Variants in UST observed in about 807,000 individuals in gnomAD.
UST encodes the protein chondroitin sulfate 2-O-sulfotransferase.
In UST, 21 loss-of-function variants were observed where a neutral mutation model predicts 45.6. The observed-to-expected ratio is 0.46, with a 90% CI of 0.33 to 0.66. The LOEUF (loss-of-function observed/expected upper bound fraction) is 0.66. Ranked by LOEUF, UST falls within the 30% of genes least tolerant of loss-of-function variation. UST has a pLI of 0.02. For missense variants in UST, 463 were observed against 512.4 expected (o/e 0.90, Z 0.93); for synonymous variants, 215 against 200.6 (o/e 1.07, Z -0.61).
At chr6:148,887,437 G>A (rs1013173321) in intron 2 of UST, among the ~76,000 whole-genome samples, 5 of 152,360 alleles carry the variant, frequency 3.3e-5, no homozygotes, top group African/African-American at 1.2e-4. Flanking sequence ...ACTGGGTTGG[G>A]ATACTCCACT....
intron 1 of UST, among the ~76,000 whole-genome samples, chr6:148,871,541 G>A (rs1032658638): frequency 6.6e-6 from 1 of 152,152 alleles, no homozygotes; most frequent in Non-Finnish European, 1.5e-5. Flanking sequence ...ATGAGTTTGA[G>A]TTATTTACTG....
At chr6:149,056,635 A>G (rs1287124288) in intron 7 of UST, among the ~76,000 whole-genome samples, 4 of 152,212 alleles carry the variant, frequency 2.6e-5, no homozygotes, top group African/African-American at 9.7e-5. Context: ...TTTAGTGTGC[A>G]GTTGCAAATC....
At chr6:149,001,823 G>A (rs145665058) in intron 5 of UST, among the ~76,000 whole-genome samples, 344 of 152,294 alleles carry the variant, frequency 2.3e-3, no homozygotes, top group Non-Finnish European at 2.9e-3. Context: ...TTGTTTGTAT[G>A]TTAAAAAAAG....
chr6:148,962,222 G>A (rs1269659015), intron 4 of UST, among the ~76,000 whole-genome samples: 5 of 152,202 alleles, frequency 3.3e-5, no homozygotes, highest in Admixed American at 1.3e-4. Flanking sequence ...GGATTGCAAC[G>A]TGCAAACAAG....
intron 7 of UST, among the ~76,000 whole-genome samples, chr6:149,052,092 A>G (rs1187736203): frequency 1.3e-5 from 2 of 152,254 alleles, no homozygotes; most frequent in Admixed American, 1.3e-4. Flanking sequence ...TGTAAGGGAT[A>G]TGAATCTTTA....
chr6:149,042,963 C>CTT (rs1312211016), intron 7 of UST, among the ~76,000 whole-genome samples: 2 of 62,516 alleles, frequency 3.2e-5, no homozygotes, highest in East Asian at 4.1e-4. Context: ...CCTTTTCTTT[C>CTT]TTTCTTTCTT....
At chr6:148,873,250 G>A (rs754958686) in intron 1 of UST, among the ~76,000 whole-genome samples, 5 of 152,074 alleles carry the variant, frequency 3.3e-5, no homozygotes, top group African/African-American at 4.8e-5. Context: ...GTAGCTAACC[G>A]GGACCAGGAA....
intron 2 of UST, among the ~76,000 whole-genome samples, chr6:148,913,952 T>G (rs914705548): frequency 2.0e-5 from 3 of 152,224 alleles, no homozygotes; most frequent in Non-Finnish European, 2.9e-5. Flanking sequence ...GATTCATATG[T>G]TGAAGTCTAA....
rs1775906884 is a variant in UST at position 148,748,003 on chromosome 6, C to G, written c.247+326C>G. Among the ~76,000 whole-genome samples the G allele has an allele frequency of 1.3e-5, 2 of 152,178 alleles. No individual in the cohort carries two copies. The highest frequency in any genetic ancestry group is 4.8e-5 in the African/African-American group (2 of 41,546). On this transcript the variant is annotated intron_variant, in intron 1 of 7. Coordinates refer to ENST00000367463, the MANE Select transcript of UST (RefSeq NM_005715.3). This position sits in a 1 kb window ranked among gnomAD's most constrained non-coding sequence, Gnocchi z 5.3. ...GGAGTGGATGGGTGTGTGGGGTGTG[C>G]CGGAGTGTGTGTATCTTCAGGCCTG...
chr6:148,826,793 A>G (rs913057766), intron 1 of UST, among the ~76,000 whole-genome samples: 15 of 152,178 alleles, frequency 9.9e-5, no homozygotes, highest in Non-Finnish European at 2.1e-4. Context: ...TTCAGCTTCT[A>G]AAGGGCTGCC....
intron 3 of UST, among the ~76,000 whole-genome samples, chr6:148,942,610 C>T (rs1009257357): frequency 6.6e-6 from 1 of 151,966 alleles, no homozygotes; most frequent in Non-Finnish European, 1.5e-5. Context: ...AATTTCCATC[C>T]ATGTCCATTT....
At chr6:148,846,615 AAAAT>A (rs917440029) in intron 1 of UST, among the ~76,000 whole-genome samples, 2 of 152,054 alleles carry the variant, frequency 1.3e-5, no homozygotes, top group African/African-American at 4.8e-5. Flanking sequence ...ATAAAAAATA[AAAAT>A]AAATAAATAA....
At chr6:148,967,448 G>A (rs1250137456) in intron 5 of UST, among the ~76,000 whole-genome samples, 2 of 152,148 alleles carry the variant, frequency 1.3e-5, no homozygotes, top group African/African-American at 4.8e-5. Flanking sequence ...TTGTTTATTT[G>A]GAAGAAGATG....
chr6:149,052,689 TTATTCTG>T (rs1776505752), intron 7 of UST, among the ~76,000 whole-genome samples: 1 of 152,242 alleles, frequency 6.6e-6, no homozygotes. Flanking sequence ...CTATGAAATG[TTATTCTG>T]CTGAATTCTC....
chr6:149,055,077 G>A (rs1356795749), intron 7 of UST, among the ~76,000 whole-genome samples: 1 of 152,046 alleles, frequency 6.6e-6, no homozygotes, highest in Non-Finnish European at 1.5e-5. Flanking sequence ...GCCCAGCCAG[G>A]AGGTTACCTC....
At chr6:148,747,702 G>C in intron 1 of UST, 25 bp downstream of exon 1, 1 of 1,564,656 alleles carries the variant, frequency 6.4e-7, no homozygotes, top group Non-Finnish European at 8.6e-7. Context: ...CAGGCGCTAG[G>C]GCGGCGCCGA....
chr6:148,825,399 G>T (rs1222013142), intron 1 of UST, among the ~76,000 whole-genome samples: 2 of 152,070 alleles, frequency 1.3e-5, no homozygotes, highest in Admixed American at 1.3e-4. Context: ...TTAAACAGTG[G>T]GTGCCTACTT....
At chr6:148,915,570 G>A (rs1174776134) in intron 2 of UST, among the ~76,000 whole-genome samples, 4 of 152,222 alleles carry the variant, frequency 2.6e-5, no homozygotes, top group African/African-American at 9.7e-5. Context: ...GATTCCCACT[G>A]TGGGAAGCTG....
At chr6:148,772,810 A>G (rs1242815367) in intron 1 of UST, among the ~76,000 whole-genome samples, 2 of 152,206 alleles carry the variant, frequency 1.3e-5, no homozygotes, top group African/African-American at 2.4e-5. Flanking sequence ...CCAAATGAAC[A>G]TATTTTGAAT....
Sources: gnomAD v4.1 joint callset for allele counts (sites outside exome capture counted in the v4.1 genomes callset) on GRCh38, gnomAD v4.1.1 for gene constraint, Gnocchi (gnomAD v3.1) non-coding constraint, MANE v1.5 for transcripts, NCBI Gene and HGNC (gene_info 2026-07-23, HGNC 2026-07-21) for gene names.